DERL1: variants seen among roughly 807,000 people sequenced by gnomAD.
DERL1 encodes the protein derlin-1.
Under a neutral mutation model 41.6 loss-of-function variants are expected in DERL1, and 24 were observed. The ratio of observed to expected loss-of-function variants is 0.58; its 90% CI spans 0.42 to 0.81. The LOEUF (loss-of-function observed/expected upper bound fraction) is 0.81. Among genes scored for constraint, DERL1 ranks in the 30% least tolerant of loss-of-function variants. DERL1 has a pLI of 0.00. For synonymous variants in DERL1, 124 were observed against 112.5 expected (o/e 1.10, Z -0.65); for missense variants, 260 against 314.3 (o/e 0.83, Z 1.31).
intron 4 of DERL1, among the ~76,000 whole-genome samples, chr8:123,023,018 GCT>G (rs949060554): frequency 6.6e-6 from 1 of 152,022 alleles, no homozygotes; most frequent in African/African-American, 2.4e-5. Flanking sequence ...TAAGAGTCAA[GCT>G]CTGTTATTTA....
At chr8:123,039,565 C>T (rs1813000123) in intron 1 of DERL1, among the ~76,000 whole-genome samples, 1 of 152,124 alleles carries the variant, frequency 6.6e-6, no homozygotes, top group South Asian at 2.1e-4. Flanking sequence ...AAGGTTGTCT[C>T]CAGAGCCAGA....
intron 2 of DERL1, among the ~76,000 whole-genome samples, chr8:123,027,936 C>T (rs544152533): frequency 1.4e-4 from 21 of 152,172 alleles, no homozygotes; most frequent in African/African-American, 4.8e-4. Flanking sequence ...GTGGCATGCA[C>T]CTGTAATCCC....
At chr8:123,022,403 G>T (rs1347181099) in intron 5 of DERL1, among the ~76,000 whole-genome samples, 1 of 118,544 alleles carries the variant, frequency 8.4e-6, no homozygotes, top group Non-Finnish European at 2.1e-5. Flanking sequence ...GGTTTCACAT[G>T]AGTTATCTCT....
chr8:123,017,093 CCCAAAATG>C (rs1814596820), intron 7 of DERL1: 1 of 152,172 alleles, frequency 6.6e-6, no homozygotes, highest in African/African-American at 2.4e-5. Context: ...CCGTCGGCCT[CCCAAAATG>C]CTGGGATTAC....
intron 1 of DERL1, among the ~76,000 whole-genome samples, chr8:123,034,817 G>A (rs13271532): frequency 0.53 from 81,307 of 152,066 alleles, 22,563 homozygotes; most frequent in East Asian, 0.7. Flanking sequence ...AAACCCTCTA[G>A]GTAGCCCTGG....
intron 1 of DERL1, among the ~76,000 whole-genome samples, chr8:123,036,817 C>T (rs13255713): frequency 0.55 from 83,802 of 151,954 alleles, 24,042 homozygotes; most frequent in Middle Eastern, 0.66. Context: ...TATGTTGAAA[C>T]GTCTCTCTTC....
intron 2 of DERL1, among the ~76,000 whole-genome samples, chr8:123,028,413 A>G (rs747353379): frequency 6.6e-6 from 1 of 152,236 alleles, no homozygotes; most frequent in Admixed American, 6.5e-5. Flanking sequence ...AAATCCATAT[A>G]CACGGAAAGT....
chr8:123,042,095 T>A lies in DERL1; in HGVS notation c.28A>T (p.Ser10Cys). Residue 10 changes from serine to cysteine, a missense_variant, in exon 1 of 8, where the codon AGC (serine) becomes TGC (cysteine). Transcript: ENST00000259512. MSDIGDWFR[S>C]IPAITRYWFA... ...CAATAGCGCGTGATCGCCGGGATGCTCCTGAACCAGTCTCCGATGTCCGAC... is the reference window on the plus strand; with the variant it reads ...CAATAGCGCGTGATCGCCGGGATGCACCTGAACCAGTCTCCGATGTCCGAC... 1 of 1,612,670 alleles carries A rather than the reference T, an allele frequency of 6.2e-7. No homozygotes were observed. Among genetic ancestry groups the A allele is most frequent in the Non-Finnish European group, 8.5e-7 (1 of 1,179,136 alleles).
At chr8:123,031,143 G>A (rs984295414) in intron 1 of DERL1, among the ~76,000 whole-genome samples, 1 of 152,174 alleles carries the variant, frequency 6.6e-6, no homozygotes, top group Non-Finnish European at 1.5e-5. Context: ...AAAGGCAGAA[G>A]TAAAACAACA....
chr8:123,034,648 A>T (rs1812886339), intron 1 of DERL1, among the ~76,000 whole-genome samples: 1 of 152,176 alleles, frequency 6.6e-6, no homozygotes, highest in Non-Finnish European at 1.5e-5. Flanking sequence ...TATTTTTACA[A>T]TCCCTCTCAC....
In DERL1 at chr8:123,021,518, A is replaced by C; in HGVS notation, c.454-19T>G. ...AGCAGGCCTAGGATGGAATGAATAT[A>C]TGCAAATGTGAGTAGCCACACCTGA... On this transcript the variant is annotated intron_variant, in intron 5 of 7. Transcript: ENST00000259512. 3 of 1,611,958 alleles carry C rather than the reference A, an allele frequency of 1.9e-6. No homozygotes were observed. The highest frequency in any genetic ancestry group is 2.5e-6 in the Non-Finnish European group (3 of 1,178,084).
chr8:123,035,439 G>A (rs1213468041), intron 1 of DERL1, among the ~76,000 whole-genome samples: 1 of 152,126 alleles, frequency 6.6e-6, no homozygotes, highest in Non-Finnish European at 1.5e-5. Flanking sequence ...TAAGGAGAAG[G>A]AACTGGCTTT....
intron 2 of DERL1, among the ~76,000 whole-genome samples, chr8:123,028,128 A>C (rs1044544988): frequency 6.6e-6 from 1 of 152,164 alleles, no homozygotes; most frequent in Non-Finnish European, 1.5e-5. Flanking sequence ...ATAGCATTAG[A>C]ATTATGTTTT....
At chr8:123,021,711 T>A (rs1236148564) in intron 5 of DERL1, among the ~76,000 whole-genome samples, 3 of 152,316 alleles carry the variant, frequency 2.0e-5, no homozygotes, top group South Asian at 2.1e-4. Flanking sequence ...TATTTGTAAC[T>A]GGAAGGACAC....
At chr8:123,030,153 T>C (rs1226831636) in intron 2 of DERL1, 1 of 153,536 alleles carries the variant, frequency 6.5e-6, no homozygotes, top group Non-Finnish European at 1.4e-5. Flanking sequence ...TACTGTATTT[T>C]AGAGTTGAGT....
intron 2 of DERL1, among the ~76,000 whole-genome samples, chr8:123,027,497 C>T (rs1009135029): frequency 2.0e-5 from 3 of 151,914 alleles, no homozygotes; most frequent in African/African-American, 7.3e-5. Flanking sequence ...TAAATGGGTA[C>T]GTTGTACCGT....
chr8:123,041,922 G>A (rs1813084692), intron 1 of DERL1, 48 bp downstream of exon 1: 1 of 1,519,384 alleles, frequency 6.6e-7, no homozygotes, highest in Non-Finnish European at 8.8e-7. Context: ...GCCGCCGCTG[G>A]GCCTCCTGGG....
intron 2 of DERL1, among the ~76,000 whole-genome samples, chr8:123,027,822 G>A (rs12674841): frequency 0.54 from 82,381 of 151,976 alleles, 22,989 homozygotes; most frequent in East Asian, 0.7. Context: ...AGCACTTTGG[G>A]AGGCTGAGGC....
chr8:123,013,440 T>C lies in DERL1; in HGVS notation c.*2007A>G, dbSNP rs972155173. On this transcript the variant is annotated 3_prime_UTR_variant, in exon 8 of 8. Coordinates refer to ENST00000259512, the MANE Select transcript of DERL1 (RefSeq NM_024295.6). ...TTATACAAAATAAGGATTTTTTTTT[T>C]CCATTTGTAAAGAGAATCCACTGTC... 2.0e-5 allele frequency: 3 copies of C among 152,138 alleles called. No homozygotes were observed. The highest frequency in any genetic ancestry group is 7.2e-5 in the African/African-American group (3 of 41,416). 9.4% of individuals were successfully genotyped at this position (152,138 alleles called of 1,614,324 possible).
Sources: allele counts gnomAD v4.1 joint callset (sites outside exome capture counted in the v4.1 genomes callset), GRCh38; gene constraint gnomAD v4.1.1; transcripts MANE v1.5; gene names NCBI Gene and HGNC (gene_info 2026-07-23, HGNC 2026-07-21).